KLRF1: variants seen among roughly 807,000 people sequenced by gnomAD.
KLRF1 encodes killer cell lectin like receptor F1, also known as killer cell lectin-like receptor subfamily F member 1.
A neutral mutation model predicts 30.7 loss-of-function variants in KLRF1; 27 were observed. That is an observed-to-expected ratio of 0.88 (90% CI 0.65 to 1.21). KLRF1 has a LOEUF of 1.21. Ranked by LOEUF, KLRF1 falls within the 50% of genes most tolerant of loss-of-function variation. KLRF1 has a pLI of 0.00. For synonymous variants in KLRF1, 92 were observed against 89.3 expected (o/e 1.03, Z -0.17); for missense variants, 246 against 259.3 (o/e 0.95, Z 0.35).
At chr12:9,825,674 A>AAAAC (rs141243775), upstream of KLRF1, among the ~76,000 whole-genome samples, 3,841 of 152,104 alleles carry the variant, frequency 0.025, 147 homozygotes, top group African/African-American at 0.087. Context: ...AACAAACAAA[A>AAAAC]TAATTAACTG....
At chr12:9,823,721 A>T (rs1867251752), upstream of KLRF1, among the ~76,000 whole-genome samples, 1 of 151,688 alleles carries the variant, frequency 6.6e-6, no homozygotes, top group African/African-American at 2.4e-5. Context: ...TGGAAAAAAA[A>T]AAAAGTCTCT....
At chr12:9,833,248 G>C in intron 2 of KLRF1, 55 bp from the exon 3 acceptor site, 1 of 1,267,686 alleles carries the variant, frequency 7.9e-7, no homozygotes, top group South Asian at 1.7e-5. Flanking sequence ...ATGTGTCCCT[G>C]AAACATTCCA....
chr12:9,828,800 C>T (rs760146562), intron 1 of KLRF1, among the ~76,000 whole-genome samples: 1 of 152,260 alleles, frequency 6.6e-6, no homozygotes, highest in East Asian at 1.9e-4. Flanking sequence ...TTCCTACACT[C>T]AATTTTTATT....
intron 1 of KLRF1, among the ~76,000 whole-genome samples, chr12:9,830,659 A>T (rs1051971033): frequency 3.3e-5 from 5 of 151,798 alleles, no homozygotes; most frequent in East Asian, 1.9e-4. Flanking sequence ...TTTTTTCCTT[A>T]GCTTTATTAA....
chr12:9,803,397 G>T, the KLRF1 span, among the ~76,000 whole-genome samples: 23 of 151,970 alleles, frequency 1.5e-4, no homozygotes, highest in Non-Finnish European at 2.5e-4. Context: ...AGTATCTTGG[G>T]CAGAGTAGAA....
the KLRF1 span, among the ~76,000 whole-genome samples, chr12:9,806,819 G>A: frequency 1.4e-4 from 21 of 151,878 alleles, no homozygotes; most frequent in South Asian, 4.1e-4. Context: ...TAGCTGAGAC[G>A]ACAGGCACAT....
Position 9,827,618 on chromosome 12 carries a change from T to A in KLRF1, c.74T>A (p.Leu25His), listed in dbSNP as rs1867310304. Residue 25 changes from leucine to histidine, a missense_variant, in exon 1 of 6, where the codon CTT (leucine) becomes CAT (histidine). Coordinates refer to ENST00000617889, the MANE Select transcript of KLRF1 (RefSeq NM_016523.3). Reference sequence around the variant, plus strand: ...AGGAGTTCTGCCCAAACATCTCAACTTACATTTAAAGGTATGGAATTTAAT... The same window carrying A: ...AGGAGTTCTGCCCAAACATCTCAACATACATTTAAAGGTATGGAATTTAAT... The part of the protein sequence containing the change: ...KKRSSAQTSQ[L>H]TFKDYSVTLH... 1 of 1,594,652 alleles carries A rather than the reference T, an allele frequency of 6.3e-7. No homozygotes were observed. Among genetic ancestry groups the A allele is most frequent in the Non-Finnish European group, 8.6e-7 (1 of 1,164,354 alleles).
Position 9,833,424 on chromosome 12 carries a change from T to C in KLRF1, c.306T>C (p.Leu102=). The part of the protein sequence containing the change: ...GTRRNISNKD[L]CASRSADQTV... ...GAAGAAATATAAGTAATAAGGACCT[T>C]TGTGCTTCGAGATCTGCAGACCAGA... The change falls in exon 3 of 6, where the codon CTT becomes CTC. Residue 102 remains leucine (L), a synonymous_variant. Coordinates refer to ENST00000617889, the MANE Select transcript of KLRF1 (RefSeq NM_016523.3). 1 of 1,610,270 alleles carries C rather than the reference T, an allele frequency of 6.2e-7. No homozygotes were observed. Among genetic ancestry groups the C allele is most frequent in the South Asian group, 1.1e-5 (1 of 90,480 alleles).
chr12:9,829,488 C>A (rs7969358), intron 1 of KLRF1, among the ~76,000 whole-genome samples: 16,553 of 152,052 alleles, frequency 0.11, 1,112 homozygotes, highest in African/African-American at 0.19. Flanking sequence ...TGTGGTGGCT[C>A]ATGCCATTAA....
At chr12:9,808,193 T>C in the KLRF1 span, among the ~76,000 whole-genome samples, 2 of 152,164 alleles carry the variant, frequency 1.3e-5, no homozygotes, top group Non-Finnish European at 2.9e-5. Flanking sequence ...ATTTGACATA[T>C]GTGTGAATCC....
At chr12:9,810,104 G>C in the KLRF1 span, among the ~76,000 whole-genome samples, 136 of 152,262 alleles carry the variant, frequency 8.9e-4, no homozygotes, top group African/African-American at 3.2e-3. Context: ...CTACAAGCTT[G>C]AGGGTTTTTA....
the KLRF1 span, among the ~76,000 whole-genome samples, chr12:9,805,281 G>A: frequency 1.6e-4 from 24 of 151,836 alleles, no homozygotes; most frequent in African/African-American, 5.3e-4. Flanking sequence ...GTCCAGTAAA[G>A]GCCTGGTCTC....
At chr12:9,812,091 C>T in the KLRF1 span, among the ~76,000 whole-genome samples, 1 of 152,104 alleles carries the variant, frequency 6.6e-6, no homozygotes, top group Non-Finnish European at 1.5e-5. Flanking sequence ...TCTGGCCGGG[C>T]GCGGTGGCTC....
At chr12:9,805,339 C>A in the KLRF1 span, among the ~76,000 whole-genome samples, 2 of 151,816 alleles carry the variant, frequency 1.3e-5, no homozygotes, top group Admixed American at 1.3e-4. Context: ...TTCTGTCTCA[C>A]GTGACAGAAG....
At chr12:9,800,634 A>G in the KLRF1 span, among the ~76,000 whole-genome samples, 1 of 151,980 alleles carries the variant, frequency 6.6e-6, no homozygotes, top group Non-Finnish European at 1.5e-5. Flanking sequence ...TCATATTTTA[A>G]TAAGGTTATT....
intron 1 of KLRF1, among the ~76,000 whole-genome samples, chr12:9,829,442 A>G (rs996550436): frequency 2.6e-5 from 4 of 152,094 alleles, no homozygotes; most frequent in Admixed American, 2.0e-4. Context: ...AAACATTTAC[A>G]TATTTTCAGT....
chr12:9,843,799 T>C (rs759797254), intron 5 of KLRF1, among the ~76,000 whole-genome samples: 2 of 152,294 alleles, frequency 1.3e-5, no homozygotes, highest in South Asian at 4.1e-4. Context: ...ATTTGGAAGC[T>C]TTGAAGATCA....
At chr12:9,842,233 A>C (rs1867718478) in intron 4 of KLRF1, 88 bp from the exon 5 acceptor site, 21 of 1,394,144 alleles carry the variant, frequency 1.5e-5, no homozygotes, top group East Asian at 2.4e-5. Context: ...CCCTATGCAG[A>C]GTGCTTTTTT....
Position 9,842,451 on chromosome 12 carries a change from G to A in KLRF1, c.587+18G>A. On this transcript the variant is annotated intron_variant, in intron 5 of 5. Transcript: ENST00000617889. The stretch of plus-strand genomic sequence containing the variant: ...TCAAAGATGTGAGTCTTTCTTAAAA[G>A]GCAATCTGATTTATTGTTTATTGTA... The A allele has an allele frequency of 1.2e-6, 2 of 1,607,974 alleles. No individual in the cohort carries two copies. The highest frequency in any genetic ancestry group is 1.7e-5 in the Admixed American group (1 of 59,532).
Sources: gnomAD v4.1 joint callset for allele counts (sites outside exome capture counted in the v4.1 genomes callset) on GRCh38, gnomAD v4.1.1 for gene constraint, MANE v1.5 for transcripts, NCBI Gene and HGNC (gene_info 2026-07-23, HGNC 2026-07-21) for gene names.